The following PTPRG variants were observed in gnomAD, a reference collection of about 807,000 sequenced individuals.
The protein encoded by PTPRG is protein tyrosine phosphatase receptor type G, also known as receptor-type tyrosine-protein phosphatase gamma.
A neutral mutation model predicts 165.3 loss-of-function variants in PTPRG; 102 were observed. The ratio of observed to expected loss-of-function variants is 0.62; its 90% CI spans 0.53 to 0.73. The LOEUF is 0.73. PTPRG is among the 30% of genes least tolerant of loss of function. The pLI is 0.00. For missense variants in PTPRG, 1,866 were observed against 1,861.4 expected, an observed-to-expected ratio of 1.00 and a Z score of -0.05; for synonymous variants, 675 against 669.5, an observed-to-expected ratio of 1.01 and a Z score of -0.13.
intron 2 of PTPRG, among the ~76,000 whole-genome samples, chr3:61,781,834 C>A (rs2107083416): frequency 6.6e-6 from 1 of 151,450 alleles, no homozygotes; most frequent in South Asian, 2.1e-4. Context: ...CTCGAGCGAT[C>A]CTCCTGCCTC....
At chr3:62,192,074 C>T (rs1699840264) in intron 9 of PTPRG, among the ~76,000 whole-genome samples, 1 of 152,128 alleles carries the variant, frequency 6.6e-6, no homozygotes, top group African/African-American at 2.4e-5. Context: ...TCTCCTCTTC[C>T]TCTTCCCCTA....
Position 61,829,151 on chromosome 3 carries a change from C to T in PTPRG, c.190+80169C>T, listed in dbSNP as rs137860417. Reference sequence around the variant, plus strand: ...GAAGGAAGATACTCAGTATTTGTTCCGACTCATGCATCCCAACAAAGGCGA... The same window carrying T: ...GAAGGAAGATACTCAGTATTTGTTCTGACTCATGCATCCCAACAAAGGCGA... On this transcript the variant is annotated intron_variant, in intron 2 of 29. Coordinates refer to ENST00000474889, the MANE Select transcript of PTPRG (RefSeq NM_002841.4). Among the ~76,000 whole-genome samples the T allele has an allele frequency of 5.9e-5, 9 of 152,186 alleles. No homozygotes were observed. The East Asian group carries it at 9.7e-4, about 16-fold the overall frequency.
At chr3:62,171,589 C>T (rs1476317298) in intron 8 of PTPRG, among the ~76,000 whole-genome samples, 1 of 152,154 alleles carries the variant, frequency 6.6e-6, no homozygotes, top group Non-Finnish European at 1.5e-5. Context: ...GCCCTCAACC[C>T]CAGGCAACCT....
At chr3:61,897,080 T>A (rs1038819558) in intron 2 of PTPRG, among the ~76,000 whole-genome samples, 12 of 152,152 alleles carry the variant, frequency 7.9e-5, no homozygotes, top group African/African-American at 2.7e-4. Flanking sequence ...GAAAAGTTTT[T>A]AGTTTTTATT....
intron 2 of PTPRG, among the ~76,000 whole-genome samples, chr3:61,785,143 A>G (rs891386456): frequency 2.0e-5 from 3 of 152,216 alleles, no homozygotes; most frequent in Non-Finnish European, 4.4e-5. Flanking sequence ...CCATTTTTCC[A>G]AGCCACGTTT....
intron 9 of PTPRG, among the ~76,000 whole-genome samples, chr3:62,194,717 C>T (rs1393819798): frequency 2.6e-5 from 4 of 152,006 alleles, no homozygotes; most frequent in Admixed American, 6.5e-5. Context: ...GCAAGAGAAT[C>T]ACTTGAACCT....
At chr3:61,806,680 A>G (rs956450991) in intron 2 of PTPRG, among the ~76,000 whole-genome samples, 4 of 152,156 alleles carry the variant, frequency 2.6e-5, no homozygotes, top group African/African-American at 9.7e-5. Context: ...AAAGGAGATG[A>G]CAGAAATAGG....
At chr3:61,574,797 A>G (rs1275545313) in intron 1 of PTPRG, among the ~76,000 whole-genome samples, 2 of 152,106 alleles carry the variant, frequency 1.3e-5, no homozygotes, top group Non-Finnish European at 2.9e-5. Context: ...CATGGTGGAG[A>G]AGGTGGAAGG....
rs965652182 is a variant in PTPRG at position 62,119,346 on chromosome 3, G to C, written c.616-13256G>C. Among the ~76,000 whole-genome samples, 2 of 152,344 alleles carry C rather than the reference G, an allele frequency of 1.3e-5. 1 individual carries two copies. The highest frequency in any genetic ancestry group is 6.8e-3 in the Middle Eastern group (2 of 294). On this transcript the variant is annotated intron_variant, in intron 5 of 29. Transcript: ENST00000474889. ...AAACATTTGGAATGGGCCAGGGAAG[G>C]CCTCCCATGGGAGCCACATTGAGCT... is the stretch of plus-strand genomic sequence containing the variant.
chr3:62,030,441 ATGCT>A (rs1264333452), intron 4 of PTPRG, among the ~76,000 whole-genome samples: 1 of 152,230 alleles, frequency 6.6e-6, no homozygotes, highest in Non-Finnish European at 1.5e-5. Context: ...TTTTTAATGA[ATGCT>A]ACATTTGCAT....
chr3:62,203,440 G>C lies in PTPRG; in HGVS notation c.1645G>C (p.Ala549Pro), dbSNP rs905525520. The C allele has an allele frequency of 1.3e-6, 2 of 1,598,094 alleles. No homozygotes were observed. Among genetic ancestry groups the C allele is most frequent in the Non-Finnish European group, 1.7e-6 (2 of 1,172,184 alleles). The change falls in exon 12 of 30, where the codon GCT (alanine) becomes CCT (proline). Residue 549 changes from alanine (A) to proline (P), a missense_variant. Ala to Pro is a conservative substitution (Grantham distance 27, BLOSUM62 -1). Around this residue, in one of 3 missense-constraint regions of PTPRG, gnomAD observed 1,452 missense variants for 1,463.0 expected, o/e 0.99. Coordinates refer to ENST00000474889, the MANE Select transcript of PTPRG (RefSeq NM_002841.4). The surrounding 1 kb of genome is among the most constrained non-coding windows in gnomAD (Gnocchi z 6.4). ...GGCCGCCTCAGCCAGCAAGCAGGCG[G>C]CTAGGCCAGTCCTAGCCACCACAGA... The part of the protein sequence containing the change: ...PTAASASKQA[A>P]RPVLATTEAL...
intron 2 of PTPRG, among the ~76,000 whole-genome samples, chr3:61,884,418 T>G (rs1261243942): frequency 6.6e-6 from 1 of 152,212 alleles, no homozygotes; most frequent in African/African-American, 2.4e-5. Context: ...AAAAGTTATA[T>G]AAACAAACAA....
In PTPRG at chr3:61,953,366, G is replaced by A. The variant is rs1206313181; in HGVS notation, c.191-36259G>A. Among the ~76,000 whole-genome samples, 4 of 152,126 alleles carry A rather than the reference G, an allele frequency of 2.6e-5. No individual in the cohort carries two copies. The East Asian group carries it at 7.7e-4, about 29-fold the overall frequency. ...CACAGGCACGCAGGCAAAAGGAATG[G>A]TTAGAAAAAAGGAATTGCTGGTCAA... On this transcript the variant is annotated intron_variant, in intron 2 of 29. Coordinates refer to ENST00000474889, the MANE Select transcript of PTPRG (RefSeq NM_002841.4).
chr3:61,882,948 A>G (rs772614046), intron 2 of PTPRG, among the ~76,000 whole-genome samples: 1 of 152,138 alleles, frequency 6.6e-6, no homozygotes, highest in South Asian at 2.1e-4. Context: ...ATTCTACTAG[A>G]TGCTTAATGG....
intron 6 of PTPRG, among the ~76,000 whole-genome samples, chr3:62,147,324 A>G (rs1704157600): frequency 6.6e-6 from 1 of 152,186 alleles, no homozygotes; most frequent in African/African-American, 2.4e-5. Flanking sequence ...GATGAGAGTC[A>G]ATGCTGCTGC....
At chr3:61,774,233 T>A (rs2034301474) in intron 2 of PTPRG, among the ~76,000 whole-genome samples, 2 of 152,224 alleles carry the variant, frequency 1.3e-5, no homozygotes, top group African/African-American at 4.8e-5. Context: ...GTTTGATGAC[T>A]GAGGGGTTCC....
chr3:62,160,347 C>T (rs1704702430), intron 7 of PTPRG, among the ~76,000 whole-genome samples: 1 of 152,214 alleles, frequency 6.6e-6, no homozygotes, highest in South Asian at 2.1e-4. Context: ...GCACTTGTAC[C>T]TCTGGCTTGT....
intron 8 of PTPRG, among the ~76,000 whole-genome samples, chr3:62,180,949 C>T (rs1398755718): frequency 2.0e-5 from 3 of 150,964 alleles, no homozygotes; most frequent in Non-Finnish European, 4.4e-5. Flanking sequence ...CTGTTACATG[C>T]ACAGCAGAGA....
At chr3:61,789,760 C>T (rs1301135431) in intron 2 of PTPRG, among the ~76,000 whole-genome samples, 1 of 152,134 alleles carries the variant, frequency 6.6e-6, no homozygotes, top group Non-Finnish European at 1.5e-5. Context: ...GAAGTTTATT[C>T]ACAGGTAATG....
Sources: allele counts gnomAD v4.1 joint callset (sites outside exome capture counted in the v4.1 genomes callset), GRCh38; gene constraint gnomAD v4.1.1; regional missense constraint gnomAD v4.1.1; non-coding constraint Gnocchi (gnomAD v3.1); transcripts MANE v1.5; gene names NCBI Gene and HGNC (gene_info 2026-07-23, HGNC 2026-07-21).